MAGI2: variants seen among roughly 807,000 people sequenced by gnomAD.
MAGI2 encodes membrane-associated guanylate kinase, WW and PDZ domain-containing protein 2.
In MAGI2, 35 loss-of-function variants were observed where a neutral mutation model predicts 133.3. That is an observed-to-expected ratio of 0.26 (90% CI 0.20 to 0.35). The LOEUF (loss-of-function observed/expected upper bound fraction) is 0.35. Among genes scored for constraint, MAGI2 ranks in the 10% least tolerant of loss-of-function variants. The pLI is 1.00. For synonymous variants in MAGI2, 729 were observed against 710.6 expected (o/e 1.03, Z -0.41); for missense variants, 1,636 against 1,863.4 (o/e 0.88, Z 2.25).
intron 16 of MAGI2, among the ~76,000 whole-genome samples, chr7:78,143,446 A>G (rs776895079): frequency 3.9e-5 from 6 of 152,106 alleles, no homozygotes; most frequent in Non-Finnish European, 5.9e-5. Context: ...CCTTTTATTT[A>G]TAATTTATTA....
intron 3 of MAGI2, among the ~76,000 whole-genome samples, chr7:78,620,346 C>T (rs1807593524): frequency 1.3e-5 from 2 of 151,832 alleles, no homozygotes; most frequent in South Asian, 4.2e-4. Context: ...TCAAACTATG[C>T]TAAAATAAAA....
intron 2 of MAGI2, among the ~76,000 whole-genome samples, chr7:78,817,342 C>T (rs570261845): frequency 2.0e-5 from 3 of 152,270 alleles, no homozygotes; most frequent in South Asian, 2.1e-4. Context: ...TCAACTTAAT[C>T]GACAAAGCAA....
chr7:78,957,242 G>A (rs1324440273), intron 2 of MAGI2, among the ~76,000 whole-genome samples: 2 of 138,628 alleles, frequency 1.4e-5, no homozygotes, highest in African/African-American at 5.5e-5. Flanking sequence ...TCCAGCCTGG[G>A]TGACAGAGTG....
chr7:78,127,077 G>T, intron 19 of MAGI2, 120 bp downstream of exon 19: 1 of 723,550 alleles, frequency 1.4e-6, no homozygotes, highest in Middle Eastern at 4.0e-4. Context: ...CCAGAACTAG[G>T]AATAGAACTT....
chr7:78,810,535 A>G (rs753731086), intron 2 of MAGI2, among the ~76,000 whole-genome samples: 2 of 152,172 alleles, frequency 1.3e-5, no homozygotes, highest in African/African-American at 4.8e-5. Flanking sequence ...GTGCATTGGT[A>G]GGAAATATTA....
intron 1 of MAGI2, chr7:79,411,867 A>G (rs1449029207): frequency 1.3e-5 from 2 of 152,038 alleles, no homozygotes; most frequent in Non-Finnish European, 2.9e-5. Flanking sequence ...GAAAAATTGA[A>G]TACTATATAT....
intron 1 of MAGI2, among the ~76,000 whole-genome samples, chr7:79,011,694 C>G (rs1808112867): frequency 6.6e-6 from 1 of 152,138 alleles, no homozygotes; most frequent in Admixed American, 6.6e-5. Flanking sequence ...TCTACTCATC[C>G]TGTGCTTCAG....
chr7:78,109,111 T>C (rs963617657), intron 20 of MAGI2, among the ~76,000 whole-genome samples: 164 of 150,870 alleles, frequency 1.1e-3, no homozygotes, highest in African/African-American at 3.8e-3. Flanking sequence ...GAGACCATCC[T>C]GGCTAACACA....
intron 1 of MAGI2, among the ~76,000 whole-genome samples, chr7:79,021,998 T>G (rs1809378559): frequency 6.6e-6 from 1 of 152,060 alleles, no homozygotes; most frequent in Non-Finnish European, 1.5e-5. Context: ...CATAAGGGTT[T>G]CCCCCATTTG....
Position 79,452,839 on chromosome 7 carries a change from C to T in MAGI2, c.301+181G>A. 4 of 638,450 alleles carry T rather than the reference C, an allele frequency of 6.3e-6. No homozygotes were observed. In the South Asian group the frequency reaches 8.6e-5, roughly 14 times the overall value. The allele number at this position is 638,450 out of a possible 1,614,324, so 39.5% of individuals were successfully genotyped here. On this transcript the variant is annotated intron_variant, in intron 1 of 21. Transcript: ENST00000354212. ...ACGCCACACCACAACCTGCCCCTCC[C>T]CTCCCTTTAGCCCCCAAGTCGAATC...
intron 6 of MAGI2, among the ~76,000 whole-genome samples, chr7:78,464,712 T>G (rs1417696522): frequency 1.3e-5 from 2 of 149,666 alleles, no homozygotes; most frequent in Admixed American, 1.3e-4. Flanking sequence ...TCAAATACTT[T>G]TTTTACAAAA....
chr7:78,238,489 C>G (rs1357982146), intron 10 of MAGI2, among the ~76,000 whole-genome samples: 1 of 151,846 alleles, frequency 6.6e-6, no homozygotes, highest in Non-Finnish European at 1.5e-5. Flanking sequence ...TTACTTGAGC[C>G]CAGGAGTTCG....
chr7:79,152,438 A>C (rs558463514), intron 1 of MAGI2, among the ~76,000 whole-genome samples: 1 of 152,320 alleles, frequency 6.6e-6, no homozygotes, highest in Admixed American at 6.5e-5. Context: ...TACAAGCTTC[A>C]ATTTTAAGAC....
intron 6 of MAGI2, among the ~76,000 whole-genome samples, chr7:78,424,418 G>A (rs1203394255): frequency 6.6e-6 from 1 of 152,176 alleles, no homozygotes; most frequent in Non-Finnish European, 1.5e-5. Context: ...GAGAACCTCT[G>A]CTAGGGCAAT....
intron 21 of MAGI2, among the ~76,000 whole-genome samples, chr7:78,072,373 T>C (rs1814803653): frequency 6.6e-6 from 1 of 152,184 alleles, no homozygotes; most frequent in African/African-American, 2.4e-5. Flanking sequence ...TTTTTATGAG[T>C]CACTACTCTG....
intron 3 of MAGI2, chr7:78,618,233 CTT>C (rs1212141470): frequency 4.6e-5 from 7 of 152,068 alleles, no homozygotes; most frequent in Admixed American, 1.3e-4. Flanking sequence ...AACATGGACT[CTT>C]AAGTTAAAAA....
chr7:78,511,547 AT>A (rs1239890301), intron 4 of MAGI2, among the ~76,000 whole-genome samples: 2 of 110,166 alleles, frequency 1.8e-5, no homozygotes, highest in African/African-American at 6.6e-5. Context: ...ATATATATAT[AT>A]AAATTTTTTT....
chr7:78,065,517 CAT>C (rs933730441), intron 21 of MAGI2: 2 of 632,404 alleles, frequency 3.2e-6, no homozygotes, highest in East Asian at 2.7e-5. Flanking sequence ...CAGTTAAAAA[CAT>C]ATGCAAAACC....
intron 9 of MAGI2, among the ~76,000 whole-genome samples, chr7:78,323,849 C>T (rs798299): frequency 0.71 from 107,390 of 151,960 alleles, 38,686 homozygotes; most frequent in African/African-American, 0.84. Context: ...ATTAAAAATG[C>T]AAAGTGACTT....
Sources: gnomAD v4.1 joint callset for allele counts (sites outside exome capture counted in the v4.1 genomes callset) on GRCh38, gnomAD v4.1.1 for gene constraint, MANE v1.5 for transcripts, NCBI Gene and HGNC (gene_info 2026-07-23, HGNC 2026-07-21) for gene names.